Variants in RNF2 observed in about 807,000 individuals in gnomAD.
RNF2 encodes ring finger protein 2.
A neutral mutation model predicts 37.2 loss-of-function variants in RNF2; 6 were observed. The ratio of observed to expected loss-of-function variants is 0.16; its 90% CI spans 0.09 to 0.32. RNF2 has a LOEUF of 0.32. Ranked by LOEUF, RNF2 falls within the 10% of genes least tolerant of loss-of-function variation. The pLI, the probability that RNF2 is intolerant of heterozygous loss-of-function variation, is 1.00. For missense variants in RNF2, 251 were observed against 404.0 expected (o/e 0.62, Z 3.25); for synonymous variants, 133 against 132.7 (o/e 1.00, Z -0.02).
chr1:185,052,250 C>G (rs960841321), intron 1 of RNF2, among the ~76,000 whole-genome samples: 2 of 152,148 alleles, frequency 1.3e-5, no homozygotes, highest in African/African-American at 4.8e-5. Context: ...TAGGGCCAGG[C>G]AATCTAGCAT....
chr1:185,092,097 G>C (rs1651782009), intron 3 of RNF2: 1 of 173,568 alleles, frequency 5.8e-6, no homozygotes, highest in African/African-American at 2.4e-5. Context: ...CCAAAGTGCT[G>C]GAATTACAGA....
In RNF2 at chr1:185,102,546, A is replaced by G. The variant is rs768591049; in HGVS notation, c.*2245A>G. ...CGCTGTCTACTTGTAAAACTTTTTC[A>G]TCACCCCAAACAGAAACTCTGTGTG... On this transcript the variant is annotated 3_prime_UTR_variant, in exon 7 of 7. Transcript: ENST00000367510. 1 of 152,192 alleles carries G rather than the reference A, an allele frequency of 6.6e-6. No homozygotes were observed. Among genetic ancestry groups the G allele is most frequent in the Non-Finnish European group, 1.5e-5 (1 of 68,012 alleles). The allele number at this position is 152,192 out of a possible 1,614,324, so 9.4% of individuals were successfully genotyped here.
intron 4 of RNF2, among the ~76,000 whole-genome samples, chr1:185,096,227 C>T (rs1419828978): frequency 6.6e-6 from 1 of 151,896 alleles, no homozygotes; most frequent in Non-Finnish European, 1.5e-5. Flanking sequence ...TATTTTAGCC[C>T]GTTCATACCT....
At chr1:185,091,837 CAG>C in intron 3 of RNF2, 98 bp downstream of exon 3, 12 of 1,180,116 alleles carry the variant, frequency 1.0e-5, no homozygotes, top group East Asian at 2.4e-5. Context: ...TTTTTTGAGA[CAG>C]AGTTTCGCTT....
chr1:185,065,515 C>T (rs886116176), intron 1 of RNF2, among the ~76,000 whole-genome samples: 2 of 152,194 alleles, frequency 1.3e-5, no homozygotes, highest in African/African-American at 4.8e-5. Context: ...GGGTCTGCAG[C>T]TTCATTCCTG....
intron 4 of RNF2, 35 bp from the exon 5 acceptor site, chr1:185,098,037 T>G: frequency 6.2e-7 from 1 of 1,602,734 alleles, no homozygotes; most frequent in Non-Finnish European, 8.5e-7. Context: ...GGCCTAAAAG[T>G]AAATTTTATG....
intron 1 of RNF2, among the ~76,000 whole-genome samples, chr1:185,063,643 A>G (rs558420117): frequency 6.6e-5 from 10 of 152,322 alleles, no homozygotes; most frequent in African/African-American, 2.4e-4. Flanking sequence ...ACTATTTTAC[A>G]GTTCTGGCAG....
At chr1:185,075,446 C>T (rs770832126) in intron 1 of RNF2, among the ~76,000 whole-genome samples, 11 of 152,254 alleles carry the variant, frequency 7.2e-5, no homozygotes, top group Non-Finnish European at 1.2e-4. Context: ...GCCAATGGTT[C>T]GACAATTCCT....
intron 2 of RNF2, among the ~76,000 whole-genome samples, chr1:185,090,298 G>C (rs966335270): frequency 2.0e-5 from 3 of 152,154 alleles, no homozygotes; most frequent in African/African-American, 7.2e-5. Context: ...ATCTGCACAG[G>C]TACAGCCCTG....
intron 3 of RNF2, chr1:185,091,977 G>C: frequency 2.9e-6 from 1 of 348,190 alleles, no homozygotes; most frequent in Non-Finnish European, 5.1e-6. Flanking sequence ...ACCGTGGCCG[G>C]CTAGTTTTTT....
intron 1 of RNF2, chr1:185,046,386 T>G (rs769268026): frequency 6.6e-6 from 1 of 152,190 alleles, no homozygotes; most frequent in African/African-American, 2.4e-5. Context: ...TCGTTTACGC[T>G]GAGATGCTAG....
chr1:185,054,854 C>T (rs867843095), intron 1 of RNF2, among the ~76,000 whole-genome samples: 19 of 152,126 alleles, frequency 1.2e-4, no homozygotes, highest in African/African-American at 4.1e-4. Context: ...GGCGCCGCCA[C>T]GCCCGGCTAT....
In RNF2 at chr1:185,065,576, G is replaced by A. The variant is rs753138560; in HGVS notation, c.-3+19927G>A. ...AGGAGGGCCAAACAACTCCAGACGC[G>A]CCACCTTTAAGAGCTGTAACACTCA... On this transcript the variant is annotated intron_variant, in intron 1 of 6. Coordinates refer to ENST00000367510, the MANE Select transcript of RNF2 (RefSeq NM_007212.4). Among the ~76,000 whole-genome samples the A allele has an allele frequency of 5.9e-5, 9 of 152,180 alleles. No individual in the cohort carries two copies. In the East Asian group the frequency reaches 7.7e-4, roughly 13 times the overall value.
At position 185,100,341 on chromosome 1, in the gene RNF2, C is replaced by A. The variant is rs1481662535; in HGVS notation, c.*40C>A. 1 of 1,330,304 alleles carries A rather than the reference C, an allele frequency of 7.5e-7. No individual in the cohort carries two copies. Among genetic ancestry groups the A allele is most frequent in the Non-Finnish European group, 1.1e-6 (1 of 944,424 alleles). The allele number at this position is 1,330,304 out of a possible 1,614,324, so 82.4% of individuals were successfully genotyped here. On this transcript the variant is annotated 3_prime_UTR_variant, in exon 7 of 7. Transcript: ENST00000367510. ...ATTCTGAGACTGAACTTTTTTATAG[C>A]CTATTTCTTTAATATTAAAGATGTA... is the stretch of plus-strand genomic sequence containing the variant.
chr1:185,096,716 T>A (rs1163368401), intron 4 of RNF2, among the ~76,000 whole-genome samples: 3 of 152,200 alleles, frequency 2.0e-5, no homozygotes, highest in Non-Finnish European at 4.4e-5. Context: ...ATTTCCTTCC[T>A]TTTTAGGACT....
At position 185,087,868 on chromosome 1, in the gene RNF2, T is replaced by C. The variant is rs528117471; in HGVS notation, c.87+228T>C. 3.9e-5 allele frequency among the ~76,000 whole-genome samples: 6 copies of C among 152,316 alleles called. No individual in the cohort carries two copies. The East Asian group carries it at 1.2e-3, about 29-fold the overall frequency. On this transcript the variant is annotated intron_variant, in intron 2 of 6. Transcript: ENST00000367510. The stretch of plus-strand genomic sequence containing the variant: ...GGTGAACAGTGGTGAATAAAACAGA[T>C]GTAGCACCAACCATGGACTTTACAG...
chr1:185,087,594 G>T lies in RNF2; in HGVS notation c.41G>T (p.Ser14Ile). ...CAGACAAACGGAACTCAACCATTAA[G>T]CAAAACATGGGAACTCAGTTTATAT... ...AVQTNGTQPL[S>I]KTWELSLYEL... The change falls in exon 2 of 7, where the codon AGC becomes ATC. Residue 14 changes from serine (S) to isoleucine (I), a missense_variant. Physicochemically the swap from Ser to Ile is moderately radical, Grantham distance 142 (BLOSUM62 -2). Coordinates refer to ENST00000367510, the MANE Select transcript of RNF2 (RefSeq NM_007212.4). 1 of 1,614,132 alleles carries T rather than the reference G, an allele frequency of 6.2e-7. No homozygotes were observed. The highest frequency in any genetic ancestry group is 8.5e-7 in the Non-Finnish European group (1 of 1,179,996).
chr1:185,066,383 T>C (rs1003576558), intron 1 of RNF2, among the ~76,000 whole-genome samples: 9 of 152,226 alleles, frequency 5.9e-5, no homozygotes, highest in African/African-American at 1.9e-4. Context: ...TTCCTTATTA[T>C]GTTGGTCCTT....
At chr1:185,045,826 CG>C (rs1650097341) in intron 1 of RNF2, among the ~76,000 whole-genome samples, 177 bp downstream of exon 1, 1 of 152,138 alleles carries the variant, frequency 6.6e-6, no homozygotes, top group South Asian at 2.1e-4. Flanking sequence ...GCGGCGGAGA[CG>C]GCGGGTGAAG....
Sources: allele counts gnomAD v4.1 joint callset (sites outside exome capture counted in the v4.1 genomes callset), GRCh38; gene constraint gnomAD v4.1.1; transcripts MANE v1.5; gene names NCBI Gene and HGNC (gene_info 2026-07-23, HGNC 2026-07-21).